Variants in RGS7 observed in about 807,000 individuals in gnomAD.
RGS7 encodes regulator of G protein signaling 7, also known as regulator of G-protein signaling 7.
Under a neutral mutation model 81.1 loss-of-function variants are expected in RGS7, and 27 were observed. The observed-to-expected ratio is 0.33, with a 90% CI of 0.25 to 0.46. RGS7 has a LOEUF of 0.46. RGS7 is among the 20% of genes least tolerant of loss of function. The pLI, the probability that RGS7 is intolerant of heterozygous loss-of-function variation, is 1.00. For missense variants in RGS7, 396 were observed against 607.4 expected (o/e 0.65, Z 3.66); for synonymous variants, 208 against 207.7 (o/e 1.00, Z -0.01).
At chr1:241,038,175 T>C (rs2060430148) in intron 3 of RGS7, among the ~76,000 whole-genome samples, 1 of 152,238 alleles carries the variant, frequency 6.6e-6, no homozygotes, top group African/African-American at 2.4e-5. Flanking sequence ...GGTATGTTAT[T>C]GCCATAAAAA....
chr1:240,942,380 C>G (rs1404413363), intron 4 of RGS7, among the ~76,000 whole-genome samples: 1 of 152,028 alleles, frequency 6.6e-6, no homozygotes, highest in African/African-American at 2.4e-5. Flanking sequence ...TTTTTCTTAC[C>G]CAGAGGCTCA....
intron 2 of RGS7, among the ~76,000 whole-genome samples, chr1:241,197,564 A>G (rs752771862): frequency 6.6e-6 from 1 of 151,660 alleles, no homozygotes; most frequent in African/African-American, 2.4e-5. Context: ...TAATCAAAGT[A>G]TCTTAATCTC....
intron 2 of RGS7, among the ~76,000 whole-genome samples, chr1:241,116,954 T>C (rs2065921119): frequency 1.3e-5 from 2 of 152,178 alleles, no homozygotes; most frequent in Non-Finnish European, 2.9e-5. Flanking sequence ...ATCATGTTAA[T>C]CATTCCTTTT....
chr1:241,050,756 C>T (rs1157167775), intron 3 of RGS7, among the ~76,000 whole-genome samples: 5 of 152,170 alleles, frequency 3.3e-5, no homozygotes, highest in African/African-American at 1.2e-4. Flanking sequence ...TGATGATCCA[C>T]TTCTACTTAA....
At chr1:240,893,676 A>T (rs550390004) in intron 6 of RGS7, among the ~76,000 whole-genome samples, 1 of 152,220 alleles carries the variant, frequency 6.6e-6, no homozygotes, top group East Asian at 1.9e-4. Flanking sequence ...AACAACCTAA[A>T]AAGTTCTGTG....
chr1:240,825,280 T>C (rs1385516416), intron 10 of RGS7, among the ~76,000 whole-genome samples: 2 of 152,300 alleles, frequency 1.3e-5, no homozygotes, highest in East Asian at 3.9e-4. Context: ...CAGTGGATCA[T>C]TACAGTTCCT....
chr1:241,115,563 T>C (rs2065835344), intron 2 of RGS7, among the ~76,000 whole-genome samples: 1 of 152,198 alleles, frequency 6.6e-6, no homozygotes, highest in Non-Finnish European at 1.5e-5. Context: ...CCATTGTATG[T>C]GTATTGATTT....
intron 18 of RGS7, among the ~76,000 whole-genome samples, chr1:240,793,384 G>A (rs147175084): frequency 7.9e-5 from 12 of 151,798 alleles, no homozygotes; most frequent in Admixed American, 5.2e-4. Flanking sequence ...TATCATCACC[G>A]CCAGTTTCAA....
At chr1:241,222,248 G>A (rs778340259) in intron 2 of RGS7, among the ~76,000 whole-genome samples, 15 of 152,054 alleles carry the variant, frequency 9.9e-5, no homozygotes, top group South Asian at 8.3e-4. Flanking sequence ...TCCCTTTATC[G>A]CTGACATTCT....
chr1:241,331,407 A>T (rs1215263522), intron 2 of RGS7, among the ~76,000 whole-genome samples: 1 of 152,126 alleles, frequency 6.6e-6, no homozygotes, highest in Non-Finnish European at 1.5e-5. Flanking sequence ...ATGTTCCTTA[A>T]CTTCTCCAAA....
At chr1:240,932,050 T>C (rs1369921250) in intron 5 of RGS7, among the ~76,000 whole-genome samples, 1 of 152,174 alleles carries the variant, frequency 6.6e-6, no homozygotes, top group Admixed American at 6.5e-5. Context: ...AATAAGCATA[T>C]TTGGAGTCAT....
intron 2 of RGS7, among the ~76,000 whole-genome samples, chr1:241,307,029 T>TG (rs1293817667): frequency 2.6e-5 from 4 of 152,268 alleles, no homozygotes. Context: ...TTTGTTCACC[T>TG]GTTGAATGTG....
chr1:240,970,509 T>C (rs781233280), intron 4 of RGS7, among the ~76,000 whole-genome samples: 1 of 151,574 alleles, frequency 6.6e-6, no homozygotes, highest in Admixed American at 6.6e-5. Flanking sequence ...GTGGCTAGCT[T>C]CTAGGTTAAA....
intron 2 of RGS7, among the ~76,000 whole-genome samples, chr1:241,138,536 T>C (rs2067691196): frequency 6.6e-6 from 1 of 152,206 alleles, no homozygotes; most frequent in Non-Finnish European, 1.5e-5. Flanking sequence ...TCTGTGGAAC[T>C]TGGTTACTGG....
At chr1:241,234,716 C>A (rs2148085280) in intron 2 of RGS7, among the ~76,000 whole-genome samples, 2 of 152,254 alleles carry the variant, frequency 1.3e-5, no homozygotes, top group South Asian at 4.1e-4. Flanking sequence ...TTCCTTGGGT[C>A]TCTCTTAACT....
intron 4 of RGS7, among the ~76,000 whole-genome samples, chr1:240,942,098 T>G (rs1677686934): frequency 6.6e-6 from 1 of 152,150 alleles, no homozygotes; most frequent in South Asian, 2.1e-4. Context: ...ACAGCTTTGT[T>G]AAGCCTGATA....
At position 240,870,082 on chromosome 1, in the gene RGS7, T is replaced by G. The variant is rs1410241672; in HGVS notation, c.423A>C (p.Ala141=). 6.2e-7 allele frequency: 1 copy of G among 1,614,006 alleles called. No homozygotes were observed. The highest frequency in any genetic ancestry group is 2.2e-5 in the East Asian group (1 of 44,882). The change falls in exon 7 of 19, where the codon GCA becomes GCC. Residue 141 remains alanine (A), a synonymous_variant. Coordinates refer to ENST00000440928, the MANE Select transcript of RGS7 (RefSeq NM_001364886.1). ...YLCKRTMQNK[A]RLELADYEAE... is the part of the protein sequence containing the mutation. ...CCTCATAGTCTGCGAGCTCCAGTCGTGCCTTGTTTTGCATTGTTCTCTTGC... is the reference window on the plus strand; with the variant it reads ...CCTCATAGTCTGCGAGCTCCAGTCGGGCCTTGTTTTGCATTGTTCTCTTGC...
chr1:240,889,059 G>C (rs531326833), intron 6 of RGS7, among the ~76,000 whole-genome samples: 20 of 152,248 alleles, frequency 1.3e-4, no homozygotes, highest in African/African-American at 4.1e-4. Context: ...GGGTTCAAGC[G>C]ATTCTCCTTG....
chr1:240,855,771 A>G (rs1558360160), intron 9 of RGS7, among the ~76,000 whole-genome samples: 1 of 152,160 alleles, frequency 6.6e-6, no homozygotes, highest in East Asian at 1.9e-4. Context: ...TTTAATTCAT[A>G]TTGTCAAATT....
Sources: allele counts gnomAD v4.1 joint callset (sites outside exome capture counted in the v4.1 genomes callset), GRCh38; gene constraint gnomAD v4.1.1; transcripts MANE v1.5; gene names NCBI Gene and HGNC (gene_info 2026-07-23, HGNC 2026-07-21).